NR3C2: variants seen among roughly 807,000 people sequenced by gnomAD.
NR3C2 encodes nuclear receptor subfamily 3 group C member 2.
In NR3C2, 15 loss-of-function variants were observed where a neutral mutation model predicts 86.4. The observed-to-expected ratio is 0.17, with a 90% CI of 0.12 to 0.27. The LOEUF is 0.27. Among genes scored for constraint, NR3C2 ranks in the 10% least tolerant of loss-of-function variants. The pLI is 1.00. For missense variants in NR3C2, 960 were observed against 1,195.6 expected, an observed-to-expected ratio of 0.80 and a Z score of 2.91; for synonymous variants, 458 against 450.5, an observed-to-expected ratio of 1.02 and a Z score of -0.21.
intron 4 of NR3C2, among the ~76,000 whole-genome samples, chr4:148,190,668 C>T (rs1238721526): frequency 3.9e-5 from 6 of 152,114 alleles, no homozygotes; most frequent in African/African-American, 7.2e-5. Context: ...TGCTGTTTAT[C>T]TCATTTCTTA....
chr4:148,118,566 A>G (rs925573394), intron 7 of NR3C2, among the ~76,000 whole-genome samples: 4 of 152,142 alleles, frequency 2.6e-5, no homozygotes, highest in Non-Finnish European at 5.9e-5. Context: ...TTTCAAATTT[A>G]TATCTCCATG....
In NR3C2 at chr4:148,220,335, A is replaced by G. The variant is rs780521286; in HGVS notation, c.1898-25473T>C. On this transcript the variant is annotated intron_variant, in intron 3 of 8. Transcript: ENST00000358102. ...ACTCCTGGCCTCAAGTGATCCTGCCACCTCAGCCTTCCAAAGTACTGGGAT... is the reference window on the plus strand; with the variant it reads ...ACTCCTGGCCTCAAGTGATCCTGCCGCCTCAGCCTTCCAAAGTACTGGGAT... Among the ~76,000 whole-genome samples the G allele has an allele frequency of 5.1e-4, 77 of 152,062 alleles. 1 individual carries two copies. Among genetic ancestry groups the G allele is most frequent in the Non-Finnish European group, 5.3e-4 (36 of 68,002 alleles).
chr4:148,306,281 A>G (rs1289710296), intron 2 of NR3C2, among the ~76,000 whole-genome samples: 1 of 152,204 alleles, frequency 6.6e-6, no homozygotes, highest in African/African-American at 2.4e-5. Flanking sequence ...ACTCAGCTAC[A>G]AATTATTATG....
In NR3C2 at chr4:148,211,587, A is replaced by C. The variant is rs376339759; in HGVS notation, c.1898-16725T>G. Among the ~76,000 whole-genome samples, 24 of 152,358 alleles carry C rather than the reference A, an allele frequency of 1.6e-4. No homozygotes were observed. The South Asian group carries it at 3.1e-3, about 20-fold the overall frequency. On this transcript the variant is annotated intron_variant, in intron 3 of 8. Transcript: ENST00000358102. Reference sequence around the variant, plus strand: ...AAAGAAAAATTAGAGGAGCTTATTAAATTTGATAAACCATGGCGTCACTGG... The same window carrying C: ...AAAGAAAAATTAGAGGAGCTTATTACATTTGATAAACCATGGCGTCACTGG...
chr4:148,123,192 C>T (rs570557129), intron 6 of NR3C2, among the ~76,000 whole-genome samples: 3 of 152,224 alleles, frequency 2.0e-5, no homozygotes, highest in African/African-American at 7.2e-5. Context: ...TCCTGCAGTA[C>T]CCTCAGGCTT....
At chr4:148,121,403 T>C (rs113139050) in intron 6 of NR3C2, among the ~76,000 whole-genome samples, 3,216 of 152,322 alleles carry the variant, frequency 0.021, 45 homozygotes, top group East Asian at 0.052. Context: ...CCCAGTAAGA[T>C]AGAAGCCATT....
At chr4:148,271,084 C>T (rs1429913) in intron 2 of NR3C2, among the ~76,000 whole-genome samples, 152,286 of 152,320 alleles carry the variant, frequency 1, 76,126 homozygotes, top group Non-Finnish European at 1. Context: ...TCTTCAAGCG[C>T]AAACATTAAA....
At chr4:148,158,072 C>A (rs12508062) in intron 4 of NR3C2, among the ~76,000 whole-genome samples, 1 of 152,112 alleles carries the variant, frequency 6.6e-6, no homozygotes, top group Admixed American at 6.5e-5. Context: ...GCACAGAAAT[C>A]TGATTTTTAG....
chr4:148,175,543 A>G (rs1233193812), intron 4 of NR3C2, among the ~76,000 whole-genome samples: 2 of 152,220 alleles, frequency 1.3e-5, no homozygotes, highest in East Asian at 3.8e-4. Flanking sequence ...TAAAAATATG[A>G]GTATATATAG....
intron 3 of NR3C2, among the ~76,000 whole-genome samples, chr4:148,214,872 T>A (rs1733550921): frequency 6.6e-6 from 1 of 151,882 alleles, no homozygotes; most frequent in African/African-American, 2.4e-5. Context: ...GTTAAAAAAA[T>A]TATGCAGGCC....
At chr4:148,427,325 T>C (rs1749593289) in intron 2 of NR3C2, among the ~76,000 whole-genome samples, 1 of 152,074 alleles carries the variant, frequency 6.6e-6, no homozygotes, top group Non-Finnish European at 1.5e-5. Flanking sequence ...TCCACATACT[T>C]TACTATTTCT....
At chr4:148,084,504 C>T (rs1265344536) in intron 8 of NR3C2, among the ~76,000 whole-genome samples, 4 of 152,182 alleles carry the variant, frequency 2.6e-5, no homozygotes, top group Non-Finnish European at 4.4e-5. Flanking sequence ...GTTACAAGAG[C>T]TCCTGAAGGA....
chr4:148,138,956 C>T (rs1733480713), intron 6 of NR3C2, among the ~76,000 whole-genome samples: 1 of 152,336 alleles, frequency 6.6e-6, no homozygotes, highest in Non-Finnish European at 1.5e-5. Flanking sequence ...CTTTCTTTCT[C>T]GCCCTTCTGC....
rs1750109691 is a variant in NR3C2 at position 148,436,882 on chromosome 4, T to TA, written c.-2-21dup. 4 of 1,569,492 alleles carry TA rather than the reference T, an allele frequency of 2.5e-6. No homozygotes were observed. The highest frequency in any genetic ancestry group is 3.5e-6 in the Non-Finnish European group (4 of 1,156,288). ...CCATCGCTAACAAATAAATTTACATTAAAAAATTAGAGTCAGTTATAGCAA... is the reference window on the plus strand; with the variant it reads ...CCATCGCTAACAAATAAATTTACATTAAAAAAATTAGAGTCAGTTATAGCAA... On this transcript the variant is annotated intron_variant, in intron 1 of 8. Coordinates refer to ENST00000358102, the MANE Select transcript of NR3C2 (RefSeq NM_000901.5).
intron 3 of NR3C2, among the ~76,000 whole-genome samples, chr4:148,219,945 CAG>C (rs1737748459): frequency 6.6e-6 from 1 of 152,074 alleles, no homozygotes; most frequent in African/African-American, 2.4e-5. Context: ...TTGTTTGAGA[CAG>C]AGTCTCACTC....
chr4:148,298,010 C>G (rs1229151835), intron 2 of NR3C2, among the ~76,000 whole-genome samples: 1 of 152,098 alleles, frequency 6.6e-6, no homozygotes, highest in Non-Finnish European at 1.5e-5. Flanking sequence ...AGTGTTGTCA[C>G]TACTTTAGAA....
At chr4:148,246,920 T>C (rs1351913543) in intron 3 of NR3C2, among the ~76,000 whole-genome samples, 1 of 152,248 alleles carries the variant, frequency 6.6e-6, no homozygotes, top group Non-Finnish European at 1.5e-5. Flanking sequence ...TTAGTAACGA[T>C]ATTTTATAAG....
intron 3 of NR3C2, among the ~76,000 whole-genome samples, chr4:148,257,054 T>G (rs191975827): frequency 1.3e-3 from 199 of 152,288 alleles, no homozygotes; most frequent in African/African-American, 4.4e-3. Context: ...TCCTCTTGTC[T>G]GCTCTCTAGG....
In NR3C2 at chr4:148,188,219, A is replaced by G. The variant is rs1736028897; in HGVS notation, c.2014+6527T>C. Among the ~76,000 whole-genome samples the G allele has an allele frequency of 2.0e-5, 3 of 152,118 alleles. No individual in the cohort carries two copies. The South Asian group carries it at 6.2e-4, about 31-fold the overall frequency. On this transcript the variant is annotated intron_variant, in intron 4 of 8. Transcript: ENST00000358102. ...GTAGGCTCTTTTTTAGTTCCATATGAATTTCAGAATTATTTTTTTCTAATT... is the reference window on the plus strand; with the variant it reads ...GTAGGCTCTTTTTTAGTTCCATATGGATTTCAGAATTATTTTTTTCTAATT...
Sources: allele counts gnomAD v4.1 joint callset (sites outside exome capture counted in the v4.1 genomes callset), GRCh38; gene constraint gnomAD v4.1.1; transcripts MANE v1.5; gene names NCBI Gene and HGNC (gene_info 2026-07-23, HGNC 2026-07-21).